Variants in GALNT13 observed in about 807,000 individuals in gnomAD.
The protein encoded by GALNT13 is UDP-GalNAc:polypeptide N-acetylgalactosaminyltransferase 13.
GALNT13 carries 28 observed loss-of-function variants against 64.2 expected under a neutral mutation model. The observed-to-expected ratio is 0.44, with a 90% CI of 0.32 to 0.60. GALNT13 has a LOEUF of 0.60. GALNT13 is among the 20% of genes least tolerant of loss of function. GALNT13 has a pLI of 0.05. For synonymous variants in GALNT13, 214 were observed against 224.6 expected, an observed-to-expected ratio of 0.95 and a Z score of 0.42; for missense variants, 577 against 669.8, an observed-to-expected ratio of 0.86 and a Z score of 1.53.
the GALNT13 span, among the ~76,000 whole-genome samples, chr2:153,410,356 A>C: frequency 4.6e-5 from 7 of 152,156 alleles, no homozygotes; most frequent in African/African-American, 1.7e-4. Flanking sequence ...TGTGCTTCCC[A>C]AAATGCTGAG....
chr2:153,639,707 T>C, the GALNT13 span, among the ~76,000 whole-genome samples: 3 of 152,162 alleles, frequency 2.0e-5, no homozygotes, highest in Admixed American at 6.5e-5. Flanking sequence ...CATTCTCCAC[T>C]TGTGAGGACT....
chr2:153,931,267 G>A (rs555600765), intron 2 of GALNT13, among the ~76,000 whole-genome samples: 26 of 150,816 alleles, frequency 1.7e-4, no homozygotes, highest in African/African-American at 4.6e-4. Context: ...GGGTTTTCTA[G>A]TATAAAATCC....
chr2:153,567,276 G>A, the GALNT13 span, among the ~76,000 whole-genome samples: 1 of 152,150 alleles, frequency 6.6e-6, no homozygotes, highest in Non-Finnish European at 1.5e-5. Context: ...TGGTCAAGAC[G>A]CAGAGATGAA....
chr2:153,501,049 T>C, the GALNT13 span, among the ~76,000 whole-genome samples: 2 of 147,666 alleles, frequency 1.4e-5, no homozygotes, highest in African/African-American at 5.0e-5. Flanking sequence ...CTCTGTAGCA[T>C]CCCAAAGTTA....
intron 2 of GALNT13, among the ~76,000 whole-genome samples, chr2:153,922,706 G>C (rs1033886902): frequency 1.3e-5 from 2 of 151,736 alleles, no homozygotes; most frequent in Admixed American, 1.3e-4. Flanking sequence ...ATCATGTTTC[G>C]CACAGCTAAC....
chr2:153,842,707 C>A, the GALNT13 span, among the ~76,000 whole-genome samples: 1 of 139,626 alleles, frequency 7.2e-6, no homozygotes, highest in Non-Finnish European at 1.5e-5. Context: ...GACAATGGGG[C>A]AAATTACAAA....
intron 4 of GALNT13, among the ~76,000 whole-genome samples, chr2:154,207,954 A>G (rs1405490580): frequency 2.0e-5 from 3 of 152,216 alleles, no homozygotes; most frequent in Non-Finnish European, 4.4e-5. Context: ...TACCCTCTTC[A>G]GCATTATCCT....
chr2:154,131,762 A>G (rs961381069), intron 3 of GALNT13, among the ~76,000 whole-genome samples: 1 of 152,228 alleles, frequency 6.6e-6, no homozygotes, highest in Non-Finnish European at 1.5e-5. Context: ...TCACGTGATC[A>G]GAAGGTGAAG....
At chr2:154,020,493 G>C (rs1290300867) in intron 3 of GALNT13, among the ~76,000 whole-genome samples, 1 of 152,118 alleles carries the variant, frequency 6.6e-6, no homozygotes, top group African/African-American at 2.4e-5. Context: ...CTGCATAAAT[G>C]TCTTCTTTTG....
chr2:153,700,080 A>G, the GALNT13 span, among the ~76,000 whole-genome samples: 1 of 152,182 alleles, frequency 6.6e-6, no homozygotes, highest in Non-Finnish European at 1.5e-5. Context: ...ATGGATACCA[A>G]CGCAAAAATC....
chr2:153,811,239 CTACTT>C, the GALNT13 span, among the ~76,000 whole-genome samples: 1 of 152,158 alleles, frequency 6.6e-6, no homozygotes, highest in African/African-American at 2.4e-5. Flanking sequence ...AATGACCTCT[CTACTT>C]TACCATATTG....
chr2:153,188,967 G>T, the GALNT13 span, among the ~76,000 whole-genome samples: 1 of 152,098 alleles, frequency 6.6e-6, no homozygotes, highest in South Asian at 2.1e-4. Flanking sequence ...TCTATGTGTT[G>T]AGAATATTTC....
At chr2:153,472,577 C>T in the GALNT13 span, among the ~76,000 whole-genome samples, 1 of 152,148 alleles carries the variant, frequency 6.6e-6, no homozygotes, top group African/African-American at 2.4e-5. Context: ...ATATTACTAT[C>T]TAATGGAAAC....
the GALNT13 span, among the ~76,000 whole-genome samples, chr2:153,447,475 G>A: frequency 7.2e-5 from 11 of 152,122 alleles, no homozygotes; most frequent in Admixed American, 5.9e-4. Flanking sequence ...AAAAATACAC[G>A]TATAATCCTA....
chr2:153,407,719 A>G, the GALNT13 span, among the ~76,000 whole-genome samples: 2 of 152,122 alleles, frequency 1.3e-5, no homozygotes, highest in African/African-American at 4.8e-5. Context: ...TACAATTTCT[A>G]TAGGTTCGTA....
At chr2:153,628,037 T>C in the GALNT13 span, among the ~76,000 whole-genome samples, 1 of 152,306 alleles carries the variant, frequency 6.6e-6, no homozygotes, top group Admixed American at 6.5e-5. Flanking sequence ...AGCAGTGGTT[T>C]GTAGTTCTCC....
At chr2:153,133,635 ACTAT>A in the GALNT13 span, among the ~76,000 whole-genome samples, 1 of 152,148 alleles carries the variant, frequency 6.6e-6, no homozygotes, top group Non-Finnish European at 1.5e-5. Flanking sequence ...CAAAATTGAG[ACTAT>A]CTAATGAAAA....
the GALNT13 span, among the ~76,000 whole-genome samples, chr2:153,262,312 TC>T: frequency 5.5e-3 from 841 of 152,250 alleles, 11 homozygotes; most frequent in African/African-American, 0.019. Context: ...ACTCAGTCTT[TC>T]CATTCAATAT....
At chr2:154,119,927 T>C (rs931617277) in intron 3 of GALNT13, among the ~76,000 whole-genome samples, 1 of 152,212 alleles carries the variant, frequency 6.6e-6, no homozygotes, top group Non-Finnish European at 1.5e-5. Flanking sequence ...TTCAATGATA[T>C]TTATTTCTTT....
Sources: allele counts gnomAD v4.1 joint callset (sites outside exome capture counted in the v4.1 genomes callset), GRCh38; gene constraint gnomAD v4.1.1; transcripts MANE v1.5; gene names NCBI Gene and HGNC (gene_info 2026-07-23, HGNC 2026-07-21).